MYH14: variants seen among roughly 807,000 people sequenced by gnomAD.
MYH14 encodes the protein myosin heavy chain 14.
A neutral mutation model predicts 255.5 loss-of-function variants in MYH14; 123 were observed. The ratio of observed to expected loss-of-function variants is 0.48; its 90% CI spans 0.42 to 0.56. The LOEUF is 0.56. Among genes scored for constraint, MYH14 ranks in the 20% least tolerant of loss-of-function variants. MYH14 has a pLI of 0.00. For missense variants in MYH14, 2,423 were observed against 2,802.3 expected, an observed-to-expected ratio of 0.86 and a Z score of 3.06; for synonymous variants, 1,095 against 1,161.2, an observed-to-expected ratio of 0.94 and a Z score of 1.16.
intron 40 of MYH14, among the ~76,000 whole-genome samples, chr19:50,302,113 TAAAAAAAAAAAAAA>T (rs765650409): frequency 1.8e-5 from 1 of 54,578 alleles, no homozygotes; most frequent in African/African-American, 7.8e-5. Flanking sequence ...ACCTCATCTC[TAAAAAAAAAAAAAA>T]AAAAAAAAAA....
intron 10 of MYH14, among the ~76,000 whole-genome samples, chr19:50,240,781 AT>A (rs1418501436): frequency 3.3e-4 from 50 of 152,086 alleles, no homozygotes; most frequent in African/African-American, 1.0e-3. Flanking sequence ...TATTAAAAAA[AT>A]AAAATAAAAT....
Position 50,249,402 on chromosome 19 carries a change from C to G in MYH14, c.1483-248C>G. 3 of 616,868 alleles carry G rather than the reference C, an allele frequency of 4.9e-6. No homozygotes were observed. The South Asian group carries it at 6.3e-5, about 13-fold the overall frequency. The allele number at this position is 616,868 out of a possible 1,614,324, so 38.2% of individuals were successfully genotyped here. A position where few individuals can be genotyped will look rare whatever the true frequency, so the allele number is the denominator to read the frequency against. On this transcript the variant is annotated intron_variant, in intron 13 of 42. Transcript: ENST00000642316. ...CTCTCTCTCTGGGTCTCTGTCCTCT[C>G]TCTCTGCATCTCTGTCCCCTGTCTC...
intron 21 of MYH14, among the ~76,000 whole-genome samples, 180 bp downstream of exon 21, chr19:50,261,815 GGGCA>G (rs2034891812): frequency 6.6e-6 from 1 of 152,082 alleles, no homozygotes; most frequent in South Asian, 2.1e-4. Context: ...CCTGTGGGCA[GGGCA>G]GGCCCTGTTC....
chr19:50,286,423 C>A, intron 33 of MYH14, 59 bp from the exon 34 acceptor site: 1 of 1,509,144 alleles, frequency 6.6e-7, no homozygotes, highest in Non-Finnish European at 9.0e-7. Context: ...TTCCCGTTCC[C>A]TTGTACACTC....
intron 1 of MYH14, among the ~76,000 whole-genome samples, chr19:50,205,148 T>C (rs2123132113): frequency 6.6e-6 from 1 of 152,302 alleles, no homozygotes; most frequent in Middle Eastern, 3.4e-3. Flanking sequence ...TGGGGAACTT[T>C]CTGAACGTCG....
At chr19:50,286,283 T>C in intron 33 of MYH14, 199 bp from the exon 34 acceptor site, 1 of 570,672 alleles carries the variant, frequency 1.8e-6, no homozygotes, top group Non-Finnish European at 3.1e-6. Flanking sequence ...TAGGGACTGA[T>C]CAGTTTGATC....
intron 3 of MYH14, among the ~76,000 whole-genome samples, chr19:50,218,330 C>T (rs2032602861): frequency 6.6e-6 from 1 of 151,958 alleles, no homozygotes; most frequent in African/African-American, 2.4e-5. Context: ...GGCGCGGTGG[C>T]TCACGCCTGT....
At chr19:50,294,736 C>CA (rs34861983) in intron 39 of MYH14, among the ~76,000 whole-genome samples, 96,894 of 145,816 alleles carry the variant, frequency 0.66, 33,834 homozygotes, top group East Asian at 0.92. Context: ...GACCCTGTCT[C>CA]AAAAAAAAAA....
At position 50,210,893 on chromosome 19, in the gene MYH14, G is replaced by T; in HGVS notation, c.405+123G>T. On this transcript the variant is annotated intron_variant, in intron 2 of 42. Transcript: ENST00000642316. ...TTATCATCTGTATCCCATGTCCCGT[G>T]ACTGTTCCTACACTTACATGGTTGC... The T allele has an allele frequency of 2.1e-6, 3 of 1,449,860 alleles. No homozygotes were observed. In the South Asian group the frequency reaches 4.2e-5, roughly 20 times the overall value. The allele number at this position is 1,449,860 out of a possible 1,614,324, so 89.8% of individuals were successfully genotyped here.
At chr19:50,267,647 T>TAATAATAATAATAATCA (rs1568519050) in intron 23 of MYH14, among the ~76,000 whole-genome samples, 43 of 151,840 alleles carry the variant, frequency 2.8e-4, no homozygotes, top group African/African-American at 9.7e-4. Flanking sequence ...ATAATAATAA[T>TAATAATAATAATAATCA]GCTAGAACAA....
intron 12 of MYH14, among the ~76,000 whole-genome samples, chr19:50,248,189 G>A (rs1034750090): frequency 6.6e-6 from 1 of 152,138 alleles, no homozygotes; most frequent in African/African-American, 2.4e-5. Context: ...ATCATGCAGG[G>A]TCTTAGGGGC....
intron 36 of MYH14, 27 bp downstream of exon 36, chr19:50,291,075 G>C: frequency 6.2e-7 from 1 of 1,608,520 alleles, no homozygotes; most frequent in Non-Finnish European, 8.5e-7. Context: ...GCTGCAGGGA[G>C]GGGAGGCTTT....
At chr19:50,281,935 G>A (rs1026637095) in intron 33 of MYH14, 93 bp downstream of exon 33, 16 of 1,354,292 alleles carry the variant, frequency 1.2e-5, no homozygotes, top group East Asian at 7.2e-5. Context: ...GTGCTGTCAC[G>A]GCTCAACTAG....
At chr19:50,251,520 C>CATA (rs1208203151) in intron 15 of MYH14, among the ~76,000 whole-genome samples, 27 of 17,254 alleles carry the variant, frequency 1.6e-3, no homozygotes, top group African/African-American at 2.9e-3. Flanking sequence ...TATATACACA[C>CATA]TACACACACA....
intron 10 of MYH14, among the ~76,000 whole-genome samples, chr19:50,242,025 T>G (rs1014618144): frequency 4.6e-5 from 7 of 152,184 alleles, no homozygotes; most frequent in Non-Finnish European, 1.0e-4. Flanking sequence ...GTTGGGAATT[T>G]GTTGCAGATA....
At chr19:50,241,077 C>T (rs796536396) in intron 10 of MYH14, among the ~76,000 whole-genome samples, 13 of 152,252 alleles carry the variant, frequency 8.5e-5, no homozygotes, top group African/African-American at 3.1e-4. Context: ...ATGGTACAAA[C>T]TGTTCTAGAA....
intron 7 of MYH14, 124 bp from the exon 8 acceptor site, chr19:50,226,779 G>C (rs2033126823): frequency 1.2e-6 from 1 of 851,978 alleles, no homozygotes; most frequent in Non-Finnish European, 1.9e-6. Context: ...CAGGTAGAGG[G>C]AGCAAGGAAG....
intron 29 of MYH14, among the ~76,000 whole-genome samples, chr19:50,277,465 G>T (rs927488957): frequency 2.6e-5 from 4 of 151,914 alleles, no homozygotes; most frequent in African/African-American, 9.7e-5. Flanking sequence ...AACTAGCTGG[G>T]CGTGGTGGCA....
chr19:50,305,428 C>T (rs1440046768), intron 40 of MYH14, among the ~76,000 whole-genome samples: 1 of 151,986 alleles, frequency 6.6e-6, no homozygotes, highest in Non-Finnish European at 1.5e-5. Flanking sequence ...ATGCTAAATT[C>T]GTTGTGGAAC....
Sources: allele counts gnomAD v4.1 joint callset (sites outside exome capture counted in the v4.1 genomes callset), GRCh38; gene constraint gnomAD v4.1.1; transcripts MANE v1.5; gene names NCBI Gene and HGNC (gene_info 2026-07-23, HGNC 2026-07-21).